The following PLXNA4 variants were observed in gnomAD, a reference collection of about 807,000 sequenced individuals.
PLXNA4 encodes plexin-A4.
PLXNA4 carries 44 observed loss-of-function variants against 191.8 expected under a neutral mutation model. The observed-to-expected ratio is 0.23, with a 90% CI of 0.18 to 0.29. The LOEUF (loss-of-function observed/expected upper bound fraction) is 0.29, where lower values mean the gene tolerates loss of function less well. Among genes scored for constraint, PLXNA4 ranks in the 10% least tolerant of loss-of-function variants. The pLI, the probability that PLXNA4 is intolerant of heterozygous loss-of-function variation, is 1.00. For synonymous variants in PLXNA4, 1,082 were observed against 1,009.5 expected (o/e 1.07, Z -1.36); for missense variants, 1,800 against 2,488.8 (o/e 0.72, Z 5.89).
intron 20 of PLXNA4, among the ~76,000 whole-genome samples, chr7:132,177,951 G>A (rs3734991): frequency 0.29 from 43,611 of 151,946 alleles, 6,630 homozygotes; most frequent in South Asian, 0.37. Flanking sequence ...CAGGTATGGG[G>A]CCGGATTTAC....
chr7:132,480,360 C>A (rs1385106267), intron 3 of PLXNA4, among the ~76,000 whole-genome samples: 1 of 152,162 alleles, frequency 6.6e-6, no homozygotes, highest in African/African-American at 2.4e-5. Context: ...CTGGGAGTCA[C>A]AAGGAGACTG....
At chr7:132,448,193 T>C (rs1795984163) in intron 3 of PLXNA4, among the ~76,000 whole-genome samples, 1 of 152,214 alleles carries the variant, frequency 6.6e-6, no homozygotes, top group African/African-American at 2.4e-5. Flanking sequence ...TGGTTTTTTA[T>C]GGAAGCTTCC....
chr7:132,167,615 G>T (rs912633185), intron 22 of PLXNA4, among the ~76,000 whole-genome samples: 4 of 152,088 alleles, frequency 2.6e-5, no homozygotes, highest in African/African-American at 7.2e-5. Flanking sequence ...GCTCACTACA[G>T]CCTCAAACTC....
chr7:132,373,122 C>T (rs1804512597), intron 3 of PLXNA4, among the ~76,000 whole-genome samples: 1 of 152,098 alleles, frequency 6.6e-6, no homozygotes, highest in African/African-American at 2.4e-5. Context: ...GGCACTAATT[C>T]CAAGCTTTGA....
chr7:132,153,609 T>C (rs1175349043), intron 25 of PLXNA4, among the ~76,000 whole-genome samples: 1 of 151,986 alleles, frequency 6.6e-6, no homozygotes, highest in Non-Finnish European at 1.5e-5. Context: ...TCCATGTAAT[T>C]GGCAGTGGGA....
At chr7:132,506,910 A>C (rs1340153576) in intron 2 of PLXNA4, among the ~76,000 whole-genome samples, 1 of 152,194 alleles carries the variant, frequency 6.6e-6, no homozygotes, top group Non-Finnish European at 1.5e-5. Context: ...CCCTTTTCTA[A>C]GTTAGCTTTG....
At chr7:132,204,785 A>G (rs1055578930) in intron 10 of PLXNA4, among the ~76,000 whole-genome samples, 2 of 152,146 alleles carry the variant, frequency 1.3e-5, no homozygotes, top group African/African-American at 2.4e-5. Flanking sequence ...TCTAAAGGAG[A>G]TGTTCTAATC....
At chr7:132,562,296 C>T (rs1263667136) in intron 1 of PLXNA4, among the ~76,000 whole-genome samples, 3 of 130,434 alleles carry the variant, frequency 2.3e-5, no homozygotes, top group Non-Finnish European at 3.2e-5. Flanking sequence ...CCTCCTTCTC[C>T]TCCTTCTCCT....
intron 21 of PLXNA4, among the ~76,000 whole-genome samples, chr7:132,173,554 A>G (rs574881993): frequency 6.6e-6 from 1 of 152,308 alleles, no homozygotes; most frequent in South Asian, 2.1e-4. Flanking sequence ...AGAAACACAC[A>G]CAAGCCTATG....
intron 31 of PLXNA4, 138 bp downstream of exon 31, chr7:132,132,911 C>A (rs1795009978): frequency 3.9e-6 from 5 of 1,269,298 alleles, no homozygotes; most frequent in Non-Finnish European, 5.3e-6. Context: ...TGGATCACAG[C>A]CCCAGGTCCT....
chr7:132,147,891 G>A lies in PLXNA4; in HGVS notation c.4864+9C>T, dbSNP rs1795482795. On this transcript the variant is annotated intron_variant, in intron 27 of 31. Transcript: ENST00000321063. The stretch of plus-strand genomic sequence containing the variant: ...CCAGGCCTCCCTAGGACACTCGGTG[G>A]GATCTTACCATATTTACTTGCTGAG... 6.2e-7 allele frequency: 1 copy of A among 1,614,032 alleles called. No individual in the cohort carries two copies. The highest frequency in any genetic ancestry group is 8.5e-7 in the Non-Finnish European group (1 of 1,180,000).
chr7:132,529,907 C>G lies in PLXNA4; in HGVS notation c.-86-21128G>C, dbSNP rs7791204. ...GGCGTGAGCCACCGCGCCTGGCCCC[C>G]CTAATGGATATTCTTATATGCAGCC... On this transcript the variant is annotated intron_variant, in intron 1 of 31. Transcript: ENST00000321063. 6.3e-3 allele frequency among the ~76,000 whole-genome samples: 959 copies of G among 152,256 alleles called. 11 individuals carry two copies. Among genetic ancestry groups the G allele is most frequent in the African/African-American group, 0.022 (934 of 41,536 alleles).
At chr7:132,235,700 T>C (rs7806916) in intron 5 of PLXNA4, among the ~76,000 whole-genome samples, 108,610 of 152,092 alleles carry the variant, frequency 0.71, 39,679 homozygotes, top group African/African-American at 0.88. Flanking sequence ...CTGGGTCTGC[T>C]GGGCAGGATC....
intron 3 of PLXNA4, among the ~76,000 whole-genome samples, chr7:132,451,398 T>A (rs1425061384): frequency 2.6e-5 from 4 of 152,080 alleles, no homozygotes; most frequent in Non-Finnish European, 5.9e-5. Context: ...AGTATCCCCT[T>A]CACCACCAAG....
chr7:132,356,818 G>C (rs557532558), intron 3 of PLXNA4, among the ~76,000 whole-genome samples: 2 of 152,200 alleles, frequency 1.3e-5, no homozygotes, highest in Non-Finnish European at 2.9e-5. Context: ...GCAGGACTTC[G>C]TAAGAGCTAT....
At chr7:132,639,930 G>T (rs916730821) in intron 2 of PLXNA4, among the ~76,000 whole-genome samples, 2 of 152,156 alleles carry the variant, frequency 1.3e-5, no homozygotes, top group African/African-American at 2.4e-5. Flanking sequence ...ACTGGCTTCG[G>T]GTAAGAACAC....
intron 3 of PLXNA4, among the ~76,000 whole-genome samples, chr7:132,395,932 T>G (rs1190870995): frequency 1.3e-5 from 2 of 152,214 alleles, no homozygotes; most frequent in African/African-American, 4.8e-5. Flanking sequence ...TTTTGTTTTC[T>G]CACAAAATAT....
intron 1 of PLXNA4, among the ~76,000 whole-genome samples, chr7:132,569,273 A>G (rs1045999530): frequency 1.3e-5 from 2 of 152,162 alleles, no homozygotes; most frequent in African/African-American, 4.8e-5. Flanking sequence ...GTAATACACT[A>G]TTTGTTCTCC....
intron 2 of PLXNA4, among the ~76,000 whole-genome samples, chr7:132,608,806 G>A (rs181086058): frequency 1.4e-4 from 22 of 152,218 alleles, no homozygotes; most frequent in African/African-American, 5.1e-4. Flanking sequence ...AACCCTCAGG[G>A]ATTACTCACT....
Sources: gnomAD v4.1 joint callset for allele counts (sites outside exome capture counted in the v4.1 genomes callset) on GRCh38, gnomAD v4.1.1 for gene constraint, MANE v1.5 for transcripts, NCBI Gene and HGNC (gene_info 2026-07-23, HGNC 2026-07-21) for gene names.